The following ANKAR variants were observed in gnomAD, a reference collection of about 807,000 sequenced individuals.
ANKAR encodes ankyrin and armadillo repeat-containing protein.
A neutral mutation model predicts 146.2 loss-of-function variants in ANKAR; 136 were observed. The ratio of observed to expected loss-of-function variants is 0.93; its 90% CI spans 0.81 to 1.07. The LOEUF is 1.07. ANKAR is among the 50% of genes least tolerant of loss of function. The probability of loss-of-function intolerance (pLI) is 0.00; values close to 1 mark genes in which losing one functional copy is unlikely to be tolerated. For missense variants in ANKAR, 1,567 were observed against 1,679.9 expected, an observed-to-expected ratio of 0.93 and a Z score of 1.18; for synonymous variants, 500 against 575.8, an observed-to-expected ratio of 0.87 and a Z score of 1.88.
chr2:189,730,527 C>T lies in ANKAR; in HGVS notation c.3226C>T (p.Gln1076Ter). The change falls in exon 16 of 23, where the codon CAA (glutamine) becomes TAA (stop). Residue 1076 changes from glutamine to a stop codon, truncating the protein, a stop_gained. Coordinates refer to ENST00000684021, the MANE Select transcript of ANKAR (RefSeq NM_001378068.1). LOFTEE classifies it high-confidence loss of function. ...CCATACAAGCAATCCTGTCAGTCAA[C>T]AATTGGTTGTAGATGAAAATGCCTT... The part of the protein sequence containing the change: ...VAHTSNPVSQ[Q>*]LVVDENAFPV... The T allele has an allele frequency of 6.2e-7, 1 of 1,604,982 alleles. No homozygotes were observed. The highest frequency in any genetic ancestry group is 1.3e-5 in the African/African-American group (1 of 74,478).
Position 189,746,578 on chromosome 2 carries a change from A to C in ANKAR, c.4256A>C (p.Gln1419Pro). Residue 1419 changes from glutamine (Q) to proline (P), a missense_variant, in exon 23 of 23, where the codon CAA becomes CCA. Gln to Pro is a moderately conservative substitution (Grantham distance 76). Coordinates refer to ENST00000684021, the MANE Select transcript of ANKAR (RefSeq NM_001378068.1). ...AGACCAAGAATAGTGTGTTTGAACCAACTTGGGAAACATGTCCAGAAAGCC... is the reference window on the plus strand; with the variant it reads ...AGACCAAGAATAGTGTGTTTGAACCCACTTGGGAAACATGTCCAGAAAGCC... The part of the protein sequence containing the change: ...VSRPRIVCLN[Q>P]LGKHVQKANP... The C allele has an allele frequency of 1.2e-6, 2 of 1,612,718 alleles. No homozygotes were observed. The highest frequency in any genetic ancestry group is 1.7e-6 in the Non-Finnish European group (2 of 1,179,626).
At chr2:189,735,547 A>G (rs182758062) in intron 17 of ANKAR, among the ~76,000 whole-genome samples, 272 of 152,330 alleles carry the variant, frequency 1.8e-3, no homozygotes, top group Non-Finnish European at 2.7e-3. Context: ...TGTAGAAGTT[A>G]GAGGGGAGGG....
chr2:189,709,723 A>T (rs2039441787), intron 9 of ANKAR, among the ~76,000 whole-genome samples: 2 of 152,226 alleles, frequency 1.3e-5, no homozygotes, highest in Non-Finnish European at 2.9e-5. Context: ...GATACTGGAT[A>T]TGAGCCCCAA....
chr2:189,751,690 C>T (rs1041272618), intron 18 of ANKAR, among the ~76,000 whole-genome samples: 1 of 151,530 alleles, frequency 6.6e-6, no homozygotes, highest in Non-Finnish European at 1.5e-5. Context: ...GATGATCTGC[C>T]CACCTCAGCC....
intron 17 of ANKAR, 131 bp from the exon 18 acceptor site, chr2:189,737,552 C>T: frequency 2.7e-6 from 2 of 742,470 alleles, no homozygotes; most frequent in Non-Finnish European, 4.1e-6. Flanking sequence ...ATCTCTTTTC[C>T]CTAGTAATGT....
At chr2:189,683,368 G>T (rs576683954) in intron 2 of ANKAR, among the ~76,000 whole-genome samples, 6 of 152,210 alleles carry the variant, frequency 3.9e-5, no homozygotes, top group Non-Finnish European at 8.8e-5. Context: ...CACCAGAATG[G>T]CTGGATGGGT....
intron 18 of ANKAR, chr2:189,753,997 T>C (rs777734795): frequency 3.1e-6 from 5 of 1,613,678 alleles, no homozygotes; most frequent in Admixed American, 1.7e-5. Flanking sequence ...CAAGATGACA[T>C]GCCATTGTGT....
chr2:189,698,105 A>G (rs1363703296), intron 7 of ANKAR, among the ~76,000 whole-genome samples: 1 of 152,154 alleles, frequency 6.6e-6, no homozygotes, highest in African/African-American at 2.4e-5. Flanking sequence ...AGAGGTAAAA[A>G]AGGAAAGAAA....
At chr2:189,755,552 C>G (rs775557271) in intron 18 of ANKAR, 2 of 1,584,082 alleles carry the variant, frequency 1.3e-6, no homozygotes, top group Non-Finnish European at 1.7e-6. Flanking sequence ...AGGAACAATC[C>G]CACCTGTTCT....
At chr2:189,742,891 C>CA (rs200827567) in intron 20 of ANKAR, among the ~76,000 whole-genome samples, 4,142 of 121,256 alleles carry the variant, frequency 0.034, 228 homozygotes, top group South Asian at 0.067. Flanking sequence ...CACACACACA[C>CA]ACTAGAATTA....
At chr2:189,760,690 C>A (rs1044064890) in intron 18 of ANKAR, among the ~76,000 whole-genome samples, 1 of 141,410 alleles carries the variant, frequency 7.1e-6, no homozygotes, top group African/African-American at 2.8e-5. Context: ...ACTTGGGAGG[C>A]TGAGACAGGG....
At chr2:189,710,984 G>T (rs1282475516) in intron 9 of ANKAR, 65 bp from the exon 10 acceptor site, 5 of 1,374,030 alleles carry the variant, frequency 3.6e-6, no homozygotes, top group East Asian at 2.3e-5. Flanking sequence ...ACAAAAAACA[G>T]AATCAAGCAT....
rs555956136 is a variant in ANKAR at position 189,737,931 on chromosome 2, G to A, written c.3582+90G>A. 8.2e-5 allele frequency: 105 copies of A among 1,282,740 alleles called. No homozygotes were observed. The South Asian group carries it at 1.4e-3, about 17-fold the overall frequency. The allele number at this position is 1,282,740 out of a possible 1,614,324, so 79.5% of individuals were successfully genotyped here. A position where few individuals can be genotyped will look rare whatever the true frequency, so the allele number is the denominator to read the frequency against. On this transcript the variant is annotated intron_variant, in intron 18 of 22. Coordinates refer to ENST00000684021, the MANE Select transcript of ANKAR (RefSeq NM_001378068.1). ...CAACAATTTGGAGGCCCAGAAAAAC[G>A]TTTACTTATTTGTAAAAACTTAGTA...
chr2:189,732,423 A>G (rs892608571), intron 16 of ANKAR, among the ~76,000 whole-genome samples: 5 of 152,130 alleles, frequency 3.3e-5, no homozygotes, highest in African/African-American at 1.2e-4. Flanking sequence ...GCACTTTAGG[A>G]GGACAAAGCA....
In ANKAR at chr2:189,707,011, G is replaced by A. The variant is rs531271431; in HGVS notation, c.1984G>A (p.Gly662Ser). Residue 662 changes from glycine to serine, a missense_variant, in exon 9 of 23, where the codon GGT becomes AGT. Transcript: ENST00000684021. ...CACTATTCAATACCTGTTTTCTATCGGTGCTAACTGGAGAAAAACAGATAT... is the reference window on the plus strand; with the variant it reads ...CACTATTCAATACCTGTTTTCTATCAGTGCTAACTGGAGAAAAACAGATAT... ...LDTIQYLFSI[G>S]ANWRKTDIKG... The A allele has an allele frequency of 2.7e-5, 44 of 1,613,294 alleles. No homozygotes were observed. The highest frequency in any genetic ancestry group is 3.3e-5 in the Non-Finnish European group (39 of 1,179,658).
At chr2:189,741,893 T>C (rs2043369391) in intron 20 of ANKAR, among the ~76,000 whole-genome samples, 1 of 152,206 alleles carries the variant, frequency 6.6e-6, no homozygotes, top group South Asian at 2.1e-4. Context: ...AGTACGTTGA[T>C]GACAAAGAAA....
intron 2 of ANKAR, 42 bp from the exon 3 acceptor site, chr2:189,689,485 T>C: frequency 2.7e-6 from 4 of 1,472,148 alleles, no homozygotes; most frequent in Middle Eastern, 2.0e-4. Flanking sequence ...AAGCCAAATA[T>C]GAAATTTTCA....
intron 2 of ANKAR, among the ~76,000 whole-genome samples, chr2:189,680,223 G>T (rs1346516251): frequency 2.0e-5 from 3 of 151,962 alleles, no homozygotes; most frequent in African/African-American, 7.3e-5. Flanking sequence ...TTTCTAGTTT[G>T]TGCACATAAA....
chr2:189,745,019 T>TACG, intron 22 of ANKAR, among the ~76,000 whole-genome samples: 1 of 121,276 alleles, frequency 8.2e-6, no homozygotes. Flanking sequence ...CTACTACTAC[T>TACG]ACTACTACTA....
Sources: gnomAD v4.1 joint callset for allele counts (sites outside exome capture counted in the v4.1 genomes callset) on GRCh38, gnomAD v4.1.1 for gene constraint, MANE v1.5 for transcripts, NCBI Gene and HGNC (gene_info 2026-07-23, HGNC 2026-07-21) for gene names.